The following ZNRF1 variants were observed in gnomAD, a reference collection of about 807,000 sequenced individuals.
ZNRF1 encodes zinc and ring finger 1, also known as E3 ubiquitin-protein ligase ZNRF1.
ZNRF1 carries 3 observed loss-of-function variants against 18.4 expected under a neutral mutation model. The observed-to-expected ratio is 0.16, with a 90% confidence interval of 0.07 to 0.42. The LOEUF (loss-of-function observed/expected upper bound fraction) is 0.42. Ranked by LOEUF, ZNRF1 falls within the 10% of genes least tolerant of loss-of-function variation. ZNRF1 has a pLI of 0.99. For synonymous variants in ZNRF1, 157 were observed against 144.2 expected (o/e 1.09, Z -0.64); for missense variants, 310 against 329.8 (o/e 0.94, Z 0.47).
chr16:75,052,021 A>C, intron 1 of ZNRF1, among the ~76,000 whole-genome samples: 1 of 152,342 alleles, frequency 6.6e-6, no homozygotes, highest in Non-Finnish European at 1.5e-5. Context: ...GAAAGTTTAC[A>C]TACAAAGAAA....
intron 1 of ZNRF1, among the ~76,000 whole-genome samples, chr16:75,006,656 G>A (rs1009364847): frequency 2.0e-5 from 3 of 152,084 alleles, no homozygotes; most frequent in Admixed American, 6.5e-5. Flanking sequence ...GGCTGGTCTC[G>A]AACTCCTGAC....
At chr16:75,104,565 C>T (rs886424312) in intron 2 of ZNRF1, 4 of 431,354 alleles carry the variant, frequency 9.3e-6, no homozygotes, top group African/African-American at 8.1e-5. Context: ...TGAGATTAAT[C>T]CCATTTTGTC....
chr16:75,050,662 A>T (rs544411402), intron 1 of ZNRF1, among the ~76,000 whole-genome samples: 85 of 151,726 alleles, frequency 5.6e-4, no homozygotes, highest in African/African-American at 1.9e-3. Context: ...AGGTCAGGAG[A>T]TCGAGACCAT....
intron 1 of ZNRF1, among the ~76,000 whole-genome samples, chr16:75,060,564 C>T (rs148645789): frequency 5.5e-4 from 80 of 145,766 alleles, no homozygotes; most frequent in African/African-American, 1.4e-3. Flanking sequence ...CTGCAACCTC[C>T]GCCTCCCAGG....
chr16:75,063,205 C>T (rs1306223689), intron 1 of ZNRF1, among the ~76,000 whole-genome samples: 1 of 152,164 alleles, frequency 6.6e-6, no homozygotes, highest in Non-Finnish European at 1.5e-5. Context: ...GCCCCGCTTC[C>T]CCAGCGCCAC....
At chr16:75,010,618 G>T (rs894448127) in intron 1 of ZNRF1, among the ~76,000 whole-genome samples, 1 of 151,770 alleles carries the variant, frequency 6.6e-6, no homozygotes, top group Admixed American at 6.6e-5. Flanking sequence ...TTTCTTGTTG[G>T]TAGTAGCTTG....
At chr16:75,075,679 A>G (rs1194464636) in intron 1 of ZNRF1, among the ~76,000 whole-genome samples, 1 of 152,230 alleles carries the variant, frequency 6.6e-6, no homozygotes, top group East Asian at 1.9e-4. Context: ...AGTAAAATAA[A>G]CAGACTCTGC....
chr16:75,063,349 C>T (rs1269354446), intron 1 of ZNRF1, among the ~76,000 whole-genome samples: 1 of 152,144 alleles, frequency 6.6e-6, no homozygotes. Flanking sequence ...GTGCACATTC[C>T]TGGAGGTGAG....
intron 1 of ZNRF1, among the ~76,000 whole-genome samples, chr16:75,042,220 T>G (rs548222613): frequency 2.1e-3 from 322 of 152,298 alleles, no homozygotes; most frequent in Non-Finnish European, 3.5e-3. Context: ...TATGGTATCT[T>G]TGGAAGAGCA....
chr16:75,098,389 CT>C (rs762176821), intron 2 of ZNRF1, among the ~76,000 whole-genome samples: 46 of 152,316 alleles, frequency 3.0e-4, no homozygotes, highest in Non-Finnish European at 5.4e-4. Context: ...CCCCACTATC[CT>C]CATTGCGGGT....
intron 1 of ZNRF1, among the ~76,000 whole-genome samples, chr16:75,050,555 G>C (rs539006338): frequency 6.7e-6 from 1 of 149,106 alleles, no homozygotes; most frequent in East Asian, 2.0e-4. Context: ...GTGTGTTCCT[G>C]ATATTAAAAA....
At chr16:75,084,177 A>G (rs919138803) in intron 1 of ZNRF1, among the ~76,000 whole-genome samples, 2 of 152,206 alleles carry the variant, frequency 1.3e-5, no homozygotes, top group African/African-American at 4.8e-5. Context: ...TTCACATTTC[A>G]TTGGCCAAAG....
At chr16:75,040,138 A>G (rs904781304) in intron 1 of ZNRF1, among the ~76,000 whole-genome samples, 4 of 139,094 alleles carry the variant, frequency 2.9e-5, no homozygotes, top group African/African-American at 1.1e-4. Context: ...TTGACCTTCT[A>G]GGCTCAAGGG....
chr16:75,086,872 T>C (rs369104660), intron 1 of ZNRF1, among the ~76,000 whole-genome samples: 160 of 152,182 alleles, frequency 1.1e-3, no homozygotes, highest in African/African-American at 3.7e-3. Flanking sequence ...CTTCCTTTGA[T>C]TCTTCTACCT....
At chr16:75,060,237 A>G (rs1249569083) in intron 1 of ZNRF1, among the ~76,000 whole-genome samples, 2 of 151,874 alleles carry the variant, frequency 1.3e-5, no homozygotes, top group East Asian at 1.9e-4. Flanking sequence ...TATTTTTAGT[A>G]GAGACAGGGT....
chr16:75,078,479 A>G (rs1334809203), intron 1 of ZNRF1, among the ~76,000 whole-genome samples: 1 of 151,742 alleles, frequency 6.6e-6, no homozygotes, highest in Non-Finnish European at 1.5e-5. Context: ...TTGTATTTTT[A>G]GTAGAGATGG....
intron 1 of ZNRF1, among the ~76,000 whole-genome samples, chr16:75,006,253 T>C (rs1434368535): frequency 6.6e-6 from 1 of 152,198 alleles, no homozygotes; most frequent in Non-Finnish European, 1.5e-5. Context: ...AGCTTCAATT[T>C]TGACAGCTTC....
intron 1 of ZNRF1, among the ~76,000 whole-genome samples, chr16:75,040,576 T>C (rs1011250649): frequency 1.9e-4 from 28 of 150,080 alleles, no homozygotes; most frequent in African/African-American, 5.8e-4. Context: ...ACTCACCATG[T>C]TTTTGTTTTT....
intron 1 of ZNRF1, among the ~76,000 whole-genome samples, chr16:75,074,447 A>G (rs2035913691): frequency 6.6e-6 from 1 of 152,178 alleles, no homozygotes; most frequent in Non-Finnish European, 1.5e-5. Flanking sequence ...TTACTATCAC[A>G]TTGTGAATAT....
Sources: gnomAD v4.1 joint callset for allele counts (sites outside exome capture counted in the v4.1 genomes callset) on GRCh38, gnomAD v4.1.1 for gene constraint, MANE v1.5 for transcripts, NCBI Gene and HGNC (gene_info 2026-07-23, HGNC 2026-07-21) for gene names.